AUTS2: variants seen among roughly 807,000 people sequenced by gnomAD.
AUTS2 encodes the protein activator of transcription and developmental regulator AUTS2, also known as autism susceptibility gene 2 protein.
Under a neutral mutation model 112.4 loss-of-function variants are expected in AUTS2, and 17 were observed. That is an observed-to-expected ratio of 0.15 (90% CI 0.10 to 0.23). The LOEUF (loss-of-function observed/expected upper bound fraction) is 0.23, where lower values mean the gene tolerates loss of function less well. Ranked by LOEUF, AUTS2 falls within the 10% of genes least tolerant of loss-of-function variation. The probability of loss-of-function intolerance (pLI) is 1.00; values close to 1 mark genes in which losing one functional copy is unlikely to be tolerated. For missense variants in AUTS2, 1,510 were observed against 1,701.6 expected (o/e 0.89, Z 1.98); for synonymous variants, 751 against 702.7 (o/e 1.07, Z -1.09).
intron 4 of AUTS2, among the ~76,000 whole-genome samples, chr7:70,305,776 C>T (rs1789465371): frequency 6.6e-6 from 1 of 152,072 alleles, no homozygotes; most frequent in South Asian, 2.1e-4. Flanking sequence ...TCTAATTTTC[C>T]ATCATTTCAA....
At chr7:70,004,344 T>TA (rs1486204479) in intron 2 of AUTS2, among the ~76,000 whole-genome samples, 210 of 126,358 alleles carry the variant, frequency 1.7e-3, no homozygotes, top group Middle Eastern at 0.013. Flanking sequence ...TGAATATATA[T>TA]TCATATATAT....
At chr7:70,562,215 G>A (rs1479728668) in intron 5 of AUTS2, among the ~76,000 whole-genome samples, 2 of 152,170 alleles carry the variant, frequency 1.3e-5, no homozygotes, top group African/African-American at 2.4e-5. Context: ...TTCCTTTATA[G>A]CAGCACAAAA....
At chr7:69,707,592 T>A (rs960736377) in intron 1 of AUTS2, among the ~76,000 whole-genome samples, 4 of 152,214 alleles carry the variant, frequency 2.6e-5, no homozygotes, top group African/African-American at 9.6e-5. Context: ...GTTGTGAGGG[T>A]TAAAGAAATT....
intron 5 of AUTS2, among the ~76,000 whole-genome samples, chr7:70,542,558 G>A (rs1800595571): frequency 6.6e-6 from 1 of 152,232 alleles, no homozygotes; most frequent in Admixed American, 6.5e-5. Context: ...ACTGGCGCAG[G>A]CCAGCTACAT....
chr7:70,593,379 G>A (rs906900688), intron 5 of AUTS2, among the ~76,000 whole-genome samples: 3 of 152,136 alleles, frequency 2.0e-5, no homozygotes, highest in Admixed American at 6.5e-5. Flanking sequence ...AAATCAAGGA[G>A]CTGTGATTTC....
At chr7:69,802,264 G>A (rs1435982729) in intron 1 of AUTS2, among the ~76,000 whole-genome samples, 1 of 152,172 alleles carries the variant, frequency 6.6e-6, no homozygotes, top group Admixed American at 6.5e-5. Flanking sequence ...GAAAAAGCCT[G>A]TCTTTTCCTT....
chr7:70,314,285 C>T (rs1270143897), intron 4 of AUTS2, among the ~76,000 whole-genome samples: 2 of 152,240 alleles, frequency 1.3e-5, no homozygotes, highest in Admixed American at 1.3e-4. Context: ...AGGCAGCCCC[C>T]ATTTTACAAA....
intron 4 of AUTS2, among the ~76,000 whole-genome samples, chr7:70,288,013 T>A (rs1401394783): frequency 6.6e-6 from 1 of 152,132 alleles, no homozygotes; most frequent in Non-Finnish European, 1.5e-5. Context: ...TTTTGCTTTT[T>A]AGCTGAATAG....
chr7:70,163,885 C>T (rs1407076167), intron 4 of AUTS2, among the ~76,000 whole-genome samples: 1 of 152,162 alleles, frequency 6.6e-6, no homozygotes, highest in Non-Finnish European at 1.5e-5. Context: ...CAGGGCTAGG[C>T]TAAGACTGTG....
intron 4 of AUTS2, among the ~76,000 whole-genome samples, chr7:70,174,873 A>G (rs1180727033): frequency 6.6e-6 from 1 of 152,230 alleles, no homozygotes; most frequent in Non-Finnish European, 1.5e-5. Context: ...ATGGAGTTGT[A>G]CAAGGAGATA....
chr7:70,020,982 C>G (rs1800244569), intron 2 of AUTS2, among the ~76,000 whole-genome samples: 1 of 149,520 alleles, frequency 6.7e-6, no homozygotes. Context: ...AGAAACTTTT[C>G]TTTTCTTTTC....
intron 1 of AUTS2, among the ~76,000 whole-genome samples, chr7:69,721,475 G>A (rs903914813): frequency 2.0e-5 from 3 of 152,172 alleles, no homozygotes; most frequent in East Asian, 1.9e-4. Context: ...CTAGAAGTAA[G>A]TTCTTTGAGA....
chr7:70,319,069 A>AAT (rs1243555340), intron 4 of AUTS2, among the ~76,000 whole-genome samples: 1 of 152,246 alleles, frequency 6.6e-6, no homozygotes, highest in Non-Finnish European at 1.5e-5. Context: ...AGTTCATTTA[A>AAT]GTTTTACAAA....
rs202247654 is a variant in AUTS2 at position 69,722,847 on chromosome 7, CT to C, written c.309+122897del. Among the ~76,000 whole-genome samples, 1,005 of 144,356 alleles carry C rather than the reference CT, an allele frequency of 7.0e-3. 15 individuals are homozygous for C. Among genetic ancestry groups the C allele is most frequent in the East Asian group, 0.039 (195 of 4,990 alleles). The allele number at this position is 144,356 out of a possible 152,430, so 94.7% of individuals were successfully genotyped here. A position where few individuals can be genotyped will look rare whatever the true frequency, so the allele number is the denominator to read the frequency against. ...TTTAATAGAAGTAGATCTGGAATTG[CT>C]TTTTTTTTTTTCTTGGAATATGGTA... On this transcript the variant is annotated intron_variant, in intron 1 of 18. Coordinates refer to ENST00000342771, the MANE Select transcript of AUTS2 (RefSeq NM_015570.4).
In AUTS2 at chr7:70,146,108, A is replaced by G. The variant is rs1030101955; in HGVS notation, c.660+11537A>G. Among the ~76,000 whole-genome samples, 19 of 152,276 alleles carry G rather than the reference A, an allele frequency of 1.2e-4. No homozygotes were observed. In the East Asian group the frequency reaches 3.7e-3, roughly 29 times the overall value. ...TGATTTTCTTTAGATTTTTGTGACT[A>G]ACAGCCTCTCAGTCTTCCTTGGACA... On this transcript the variant is annotated intron_variant, in intron 4 of 18. Coordinates refer to ENST00000342771, the MANE Select transcript of AUTS2 (RefSeq NM_015570.4).
chr7:70,684,724 G>C (rs1808384663), intron 5 of AUTS2, among the ~76,000 whole-genome samples: 1 of 152,068 alleles, frequency 6.6e-6, no homozygotes, highest in Non-Finnish European at 1.5e-5. Flanking sequence ...TATTAGGGAA[G>C]GAATGTGACA....
At chr7:69,893,978 T>C (rs1359956746) in intron 1 of AUTS2, among the ~76,000 whole-genome samples, 2 of 152,122 alleles carry the variant, frequency 1.3e-5, no homozygotes, top group African/African-American at 4.8e-5. Context: ...GGCGGGGTGT[T>C]GAAGGAAATT....
At position 69,984,268 on chromosome 7, in the gene AUTS2, A is replaced by G. The variant is rs554019263; in HGVS notation, c.522+84770A>G. ...AAAATACAAAAAAAATTAGCCGGGCATGGTGGCAGGCGCCTGTAGTCCCAG... is the reference window on the plus strand; with the variant it reads ...AAAATACAAAAAAAATTAGCCGGGCGTGGTGGCAGGCGCCTGTAGTCCCAG... On this transcript the variant is annotated intron_variant, in intron 2 of 18. Transcript: ENST00000342771. Among the ~76,000 whole-genome samples the G allele has an allele frequency of 4.5e-4, 69 of 152,046 alleles. 1 individual carries two copies. Among genetic ancestry groups the G allele is most frequent in the African/African-American group, 1.4e-3 (59 of 41,494 alleles).
rs116783906 is a variant in AUTS2 at position 69,835,399 on chromosome 7, C to T, written c.310-63887C>T. Among the ~76,000 whole-genome samples, 443 of 152,206 alleles carry T rather than the reference C, an allele frequency of 2.9e-3. 4 individuals carry two copies. The highest frequency in any genetic ancestry group is 0.01 in the African/African-American group (429 of 41,544). ...AAATAGATCTTAGAACTCTGATCTTCTGATTTTTCTTAACACAGTACTCTA... is the reference window on the plus strand; with the variant it reads ...AAATAGATCTTAGAACTCTGATCTTTTGATTTTTCTTAACACAGTACTCTA... On this transcript the variant is annotated intron_variant, in intron 1 of 18. Coordinates refer to ENST00000342771, the MANE Select transcript of AUTS2 (RefSeq NM_015570.4).
Sources: gnomAD v4.1 joint callset for allele counts (sites outside exome capture counted in the v4.1 genomes callset) on GRCh38, gnomAD v4.1.1 for gene constraint, MANE v1.5 for transcripts, NCBI Gene and HGNC (gene_info 2026-07-23, HGNC 2026-07-21) for gene names.